CACNB2: variants seen among roughly 807,000 people sequenced by gnomAD.
CACNB2 encodes voltage-dependent L-type calcium channel subunit beta-2.
A neutral mutation model predicts 73.3 loss-of-function variants in CACNB2; 42 were observed. That is an observed-to-expected ratio of 0.57 (90% CI 0.45 to 0.74). The LOEUF (loss-of-function observed/expected upper bound fraction) is 0.74, where lower values mean the gene tolerates loss of function less well. Among genes scored for constraint, CACNB2 ranks in the 30% least tolerant of loss-of-function variants. The pLI is 0.00. For missense variants in CACNB2, 940 were observed against 853.0 expected (o/e 1.10, Z -1.27); for synonymous variants, 348 against 310.3 (o/e 1.12, Z -1.28).
At chr10:18,224,714 T>C (rs1367217888) in intron 2 of CACNB2, among the ~76,000 whole-genome samples, 1 of 152,194 alleles carries the variant, frequency 6.6e-6, no homozygotes, top group Non-Finnish European at 1.5e-5. Flanking sequence ...AGCCCAGCGT[T>C]TGTGGGAGTT....
intron 3 of CACNB2, among the ~76,000 whole-genome samples, chr10:18,430,098 ATTAT>A (rs2132816830): frequency 6.6e-6 from 1 of 151,340 alleles, no homozygotes; most frequent in South Asian, 2.1e-4. Context: ...TTATTTTACA[ATTAT>A]TTACTTAAGC....
chr10:18,196,668 A>T (rs954967384), intron 2 of CACNB2, among the ~76,000 whole-genome samples: 1 of 152,126 alleles, frequency 6.6e-6, no homozygotes, highest in African/African-American at 2.4e-5. Context: ...CTGATGCAAG[A>T]CTTAACTTTT....
At chr10:18,230,142 A>C (rs1479003213) in intron 2 of CACNB2, among the ~76,000 whole-genome samples, 1 of 152,226 alleles carries the variant, frequency 6.6e-6, no homozygotes, top group Non-Finnish European at 1.5e-5. Flanking sequence ...TAGTTGGTTC[A>C]AAAGGGCTAA....
chr10:18,358,497 G>GCGCTCT (rs2042010154), intron 2 of CACNB2, among the ~76,000 whole-genome samples: 1 of 104,284 alleles, frequency 9.6e-6, no homozygotes, highest in Non-Finnish European at 1.9e-5. Flanking sequence ...TAATGAGCAC[G>GCGCTCT]CTCTCTCTCT....
intron 2 of CACNB2, among the ~76,000 whole-genome samples, chr10:18,329,821 G>A (rs1419970725): frequency 1.3e-5 from 2 of 152,020 alleles, no homozygotes; most frequent in Admixed American, 1.3e-4. Context: ...ATAGATTTAT[G>A]TTTTCTTGTT....
rs1301663365 is a variant in CACNB2 at position 18,538,432 on chromosome 10, A to C, written c.1488+67A>C. On this transcript the variant is annotated intron_variant, in intron 13 of 13. Coordinates refer to ENST00000324631, the MANE Select transcript of CACNB2 (RefSeq NM_201596.3). ...TAGAAAAAAGGTTGCCTATGGTGAC[A>C]CCTCTAGGATCCAAGCCCAGTAGCC... 9.7e-6 allele frequency: 14 copies of C among 1,436,340 alleles called. 1 individual carries two copies. Among genetic ancestry groups the C allele is most frequent in the African/African-American group, 1.4e-5 (1 of 70,936 alleles). 89.0% of individuals were successfully genotyped at this position (1,436,340 alleles called of 1,614,324 possible). A position where few individuals can be genotyped will look rare whatever the true frequency, so the allele number is the denominator to read the frequency against.
Position 18,503,874 on chromosome 10 carries a change from ATC to A in CACNB2, c.594-2593_594-2592del, listed in dbSNP as rs1410736207. Among the ~76,000 whole-genome samples, 8 of 152,284 alleles carry A rather than the reference ATC, an allele frequency of 5.3e-5. No individual in the cohort carries two copies. In the East Asian group the frequency reaches 1.5e-3, roughly 29 times the overall value. On this transcript the variant is annotated intron_variant, in intron 5 of 13. Transcript: ENST00000324631. ...TTTAATGTCATCATGTACACTGTGA[ATC>A]TCTGGTGGAATGGGAATTTTTTTAA...
At chr10:18,263,172 C>T (rs1443620057) in intron 2 of CACNB2, among the ~76,000 whole-genome samples, 2 of 152,186 alleles carry the variant, frequency 1.3e-5, no homozygotes, top group Non-Finnish European at 2.9e-5. Context: ...GTTTTCTTTA[C>T]AGATGGCCAA....
intron 2 of CACNB2, chr10:18,400,881 G>A: frequency 6.5e-7 from 1 of 1,529,540 alleles, no homozygotes; most frequent in South Asian, 1.2e-5. Flanking sequence ...CTGGGGCAGG[G>A]AGTGAAAGCC....
At chr10:18,354,964 A>G (rs1189709069) in intron 2 of CACNB2, among the ~76,000 whole-genome samples, 1 of 152,124 alleles carries the variant, frequency 6.6e-6, no homozygotes, top group Non-Finnish European at 1.5e-5. Context: ...TTGCTTCCTG[A>G]TGGTTCAACG....
intron 3 of CACNB2, among the ~76,000 whole-genome samples, chr10:18,473,782 G>T (rs777487532): frequency 2.0e-4 from 30 of 152,260 alleles, no homozygotes; most frequent in Non-Finnish European, 2.9e-4. Context: ...TCTTTTCCTA[G>T]CTGTAAAATA....
intron 12 of CACNB2, among the ~76,000 whole-genome samples, chr10:18,537,290 T>C (rs77082067): frequency 0.45 from 68,683 of 151,862 alleles, 16,311 homozygotes; most frequent in East Asian, 0.74. Context: ...ACCAGGCTTT[T>C]TTTTCTTTTT....
chr10:18,435,625 A>G (rs753512848), intron 3 of CACNB2, among the ~76,000 whole-genome samples: 4 of 152,094 alleles, frequency 2.6e-5, no homozygotes, highest in South Asian at 4.2e-4. Context: ...CAGCCTCCCA[A>G]GTAGCTGAGA....
chr10:18,307,319 A>C (rs994840470), intron 2 of CACNB2, among the ~76,000 whole-genome samples: 12 of 152,088 alleles, frequency 7.9e-5, no homozygotes, highest in African/African-American at 2.7e-4. Flanking sequence ...AACATTAGCC[A>C]GGCGTGGTGG....
chr10:18,222,032 G>T (rs982579960), intron 2 of CACNB2, among the ~76,000 whole-genome samples: 1 of 152,224 alleles, frequency 6.6e-6, no homozygotes, highest in African/African-American at 2.4e-5. Context: ...ACTTGCCAAA[G>T]AAAGGCAGTG....
intron 3 of CACNB2, among the ~76,000 whole-genome samples, chr10:18,429,808 GA>G (rs748893112): frequency 0.46 from 33,190 of 71,544 alleles, 6,148 homozygotes; most frequent in Non-Finnish European, 0.53. Context: ...CGTCTCTACC[GA>G]AAAAAAAAAA....
At chr10:18,265,374 G>T (rs565592504) in intron 2 of CACNB2, among the ~76,000 whole-genome samples, 58 of 151,858 alleles carry the variant, frequency 3.8e-4, no homozygotes, top group Non-Finnish European at 6.6e-4. Flanking sequence ...CTTGTGATCC[G>T]CCCACCTCAG....
chr10:18,367,670 T>G (rs941660755), intron 2 of CACNB2, among the ~76,000 whole-genome samples: 1 of 152,146 alleles, frequency 6.6e-6, no homozygotes, highest in Non-Finnish European at 1.5e-5. Flanking sequence ...AAATTCACAT[T>G]TATCAATACA....
At chr10:18,182,637 C>T (rs558859214) in intron 2 of CACNB2, among the ~76,000 whole-genome samples, 3 of 151,690 alleles carry the variant, frequency 2.0e-5, no homozygotes, top group South Asian at 2.1e-4. Flanking sequence ...GCCTGGGCAA[C>T]GTGGTAAAAC....
Sources: allele counts gnomAD v4.1 joint callset (sites outside exome capture counted in the v4.1 genomes callset), GRCh38; gene constraint gnomAD v4.1.1; transcripts MANE v1.5; gene names NCBI Gene and HGNC (gene_info 2026-07-23, HGNC 2026-07-21).